Variants in ATP5MC2 observed in about 807,000 individuals in gnomAD.
ATP5MC2 encodes the protein ATP synthase F(0) complex subunit C2, mitochondrial.
In ATP5MC2, 11 loss-of-function variants were observed where a neutral mutation model predicts 13.5. The observed-to-expected ratio is 0.81, with a 90% CI of 0.51 to 1.35. ATP5MC2 has a LOEUF of 1.35. Ranked by LOEUF, ATP5MC2 falls within the 40% of genes most tolerant of loss-of-function variation. The pLI, the probability that ATP5MC2 is intolerant of heterozygous loss-of-function variation, is 0.00. For missense variants in ATP5MC2, 132 were observed against 175.0 expected (o/e 0.75, Z 1.39); for synonymous variants, 64 against 69.7 (o/e 0.92, Z 0.41).
Position 53,669,146 on chromosome 12 carries a change from A to T in ATP5MC2, c.311+2T>A. The T allele has an allele frequency of 6.2e-7, 1 of 1,604,424 alleles. No homozygotes were observed. ...ACCAGTGGAGGGTCCAACTTATCTT[A>T]CCTGGCATAACCAATGATGAGGCTC... On this transcript the variant is annotated splice_donor_variant, in intron 4 of 4. Transcript: ENST00000394349. LOFTEE classifies it high-confidence loss of function.
intron 4 of ATP5MC2, among the ~76,000 whole-genome samples, chr12:53,667,997 A>ATATATATATATATATATATTT (rs1944983859): frequency 7.9e-6 from 1 of 126,840 alleles, no homozygotes; most frequent in Non-Finnish European, 1.7e-5. Context: ...ATATATATAA[A>ATATATATATATATATATATTT]TTTTTTTTTT....
rs893417798 is a variant in ATP5MC2, at chr12:53,665,432, G to A, written c.312-4C>T. On this transcript the variant is annotated splice_region_variant and splice_polypyrimidine_tract_variant and intron_variant, in intron 4 of 4. Transcript: ENST00000394349. The stretch of plus-strand genomic sequence containing the variant: ...CTGTTGCTTCAGAGAAGGGTTCCTG[G>A]TAGAAGGAGAAGAGAAAAGACTGAA... 1.9e-6 allele frequency: 3 copies of A among 1,608,178 alleles called. No individual in the cohort carries two copies. Among genetic ancestry groups the A allele is most frequent in the Non-Finnish European group, 1.7e-6 (2 of 1,174,586 alleles).
upstream of ATP5MC2, chr12:53,676,373 C>T (rs1945279182): frequency 1.2e-6 from 1 of 831,462 alleles, no homozygotes; most frequent in Non-Finnish European, 1.8e-6. Context: ...CTTGCGTCCC[C>T]TTTCCGAGCA....
At chr12:53,667,731 G>A (rs1944959785) in intron 4 of ATP5MC2, among the ~76,000 whole-genome samples, 1 of 151,322 alleles carries the variant, frequency 6.6e-6, no homozygotes, top group African/African-American at 2.4e-5. Context: ...TCCTGACCTC[G>A]TGATCCGCCC....
intron 4 of ATP5MC2, among the ~76,000 whole-genome samples, chr12:53,667,987 AT>A (rs1565625341): frequency 3.3e-4 from 19 of 57,180 alleles, no homozygotes; most frequent in African/African-American, 1.5e-3. Context: ...ATATATATAT[AT>A]ATATATAAAT....
intron 4 of ATP5MC2, among the ~76,000 whole-genome samples, chr12:53,667,283 G>T (rs1944942071): frequency 6.6e-6 from 1 of 152,180 alleles, no homozygotes; most frequent in African/African-American, 2.4e-5. Flanking sequence ...TCAGAAACCA[G>T]GGGCTGGCTG....
intron 1 of ATP5MC2, 87 bp downstream of exon 1, chr12:53,675,966 A>G (rs1945252837): frequency 1.9e-6 from 3 of 1,544,550 alleles, no homozygotes; most frequent in Non-Finnish European, 2.6e-6. Flanking sequence ...GGAGCACGCA[A>G]GGTAAGCGCC....
intron 1 of ATP5MC2, 105 bp from the exon 2 acceptor site, chr12:53,672,750 ACTGAC>A: frequency 9.8e-7 from 1 of 1,015,804 alleles, no homozygotes; most frequent in Non-Finnish European, 1.5e-6. Context: ...GAAAACAGTG[ACTGAC>A]CTTAAGTCAT....
upstream of ATP5MC2, among the ~76,000 whole-genome samples, chr12:53,678,327 A>G (rs190189144): frequency 7.1e-4 from 108 of 151,954 alleles, 1 homozygote; most frequent in African/African-American, 2.5e-3. Flanking sequence ...TGCTAGCATT[A>G]AAATCATCAT....
chr12:53,667,954 CACATAT>C (rs1231198310), intron 4 of ATP5MC2, among the ~76,000 whole-genome samples: 4 of 26,966 alleles, frequency 1.5e-4, no homozygotes, highest in Admixed American at 5.7e-4. Context: ...TACATACACA[CACATAT>C]ATATATATAT....
chr12:53,667,933 T>TA lies in ATP5MC2; in HGVS notation c.311+1214dup, dbSNP rs1358786333. On this transcript the variant is annotated intron_variant, in intron 4 of 4. Transcript: ENST00000394349. ...CAATGACACAATGATATAAACATTC[T>TA]AATACATACATACATACACACACAT... Among the ~76,000 whole-genome samples, 38 of 126,816 alleles carry TA rather than the reference T, an allele frequency of 3.0e-4. No individual in the cohort carries two copies. In the Admixed American group the frequency reaches 3.0e-3, roughly 10 times the overall value. 83.2% of individuals were successfully genotyped at this position (126,816 alleles called of 152,430 possible). A position where few individuals can be genotyped will look rare whatever the true frequency, so the allele number is the denominator to read the frequency against.
chr12:53,665,286 A>G lies in ATP5MC2; in HGVS notation c.*28T>C, dbSNP rs762023719. The G allele has an allele frequency of 2.5e-6, 4 of 1,575,240 alleles. No individual in the cohort carries two copies. The African/African-American group carries it at 5.5e-5, about 22-fold the overall frequency. ...ACACACGGGGCCAACCAGACGCGGGAGAACTATGGGAGGTGGAGACGGCTC... is the reference window on the plus strand; with the variant it reads ...ACACACGGGGCCAACCAGACGCGGGGGAACTATGGGAGGTGGAGACGGCTC... On this transcript the variant is annotated 3_prime_UTR_variant, in exon 5 of 5. Transcript: ENST00000394349.
Position 53,669,356 on chromosome 12 carries a change from C to A in ATP5MC2, c.118-15G>T. ...CTGCTGAGGCTCTGTGAAAAAGAGG[C>A]AGGTAGAAGGTAAAGTTTTTTGCTT... is the stretch of plus-strand genomic sequence containing the variant. On this transcript the variant is annotated splice_polypyrimidine_tract_variant and intron_variant, in intron 3 of 4. Transcript: ENST00000394349. The A allele has an allele frequency of 6.2e-7, 1 of 1,605,624 alleles. No individual in the cohort carries two copies. The highest frequency in any genetic ancestry group is 8.5e-7 in the Non-Finnish European group (1 of 1,175,212).
At chr12:53,668,668 T>C (rs1229840865) in intron 4 of ATP5MC2, among the ~76,000 whole-genome samples, 1 of 152,160 alleles carries the variant, frequency 6.6e-6, no homozygotes, top group Non-Finnish European at 1.5e-5. Flanking sequence ...GCACTCGAAA[T>C]ATGGTTAGCG....
intron 1 of ATP5MC2, among the ~76,000 whole-genome samples, chr12:53,675,012 A>T (rs1026368483): frequency 2.0e-5 from 3 of 152,208 alleles, no homozygotes; most frequent in Non-Finnish European, 4.4e-5. Flanking sequence ...AAAGAGTTTA[A>T]TGTGGTGCTG....
At chr12:53,672,745 C>T in intron 1 of ATP5MC2, 100 bp from the exon 2 acceptor site, 1 of 1,059,410 alleles carries the variant, frequency 9.4e-7, no homozygotes. Flanking sequence ...GCCCAGAAAA[C>T]AGTGACTGAC....
chr12:53,669,410 T>G (rs1945028340), intron 3 of ATP5MC2, 69 bp from the exon 4 acceptor site: 1 of 1,491,668 alleles, frequency 6.7e-7, no homozygotes, highest in African/African-American at 1.4e-5. Flanking sequence ...TTAAAACCCT[T>G]TAAGCTGCCA....
intron 1 of ATP5MC2, 63 bp downstream of exon 1, chr12:53,675,990 G>T: frequency 1.3e-6 from 2 of 1,583,880 alleles, no homozygotes; most frequent in East Asian, 2.2e-5. Flanking sequence ...AAGCATCCGC[G>T]CAAGGTGAGG....
Position 53,672,643 on chromosome 12 carries a change from G to A in ATP5MC2, c.-29C>T. 6.4e-7 allele frequency: 1 copy of A among 1,574,188 alleles called. No homozygotes were observed. Among genetic ancestry groups the A allele is most frequent in the Non-Finnish European group, 8.6e-7 (1 of 1,159,224 alleles). On this transcript the variant is annotated splice_region_variant and 5_prime_UTR_variant, in exon 2 of 5. Coordinates refer to ENST00000394349, the MANE Select transcript of ATP5MC2 (RefSeq NM_005176.7). ...CAGGGGGTGAGGAGCTGTGGCAGGA[G>A]AGCTGGAATTACAGAAGCAGTATTG...
Sources: gnomAD v4.1 joint callset for allele counts (sites outside exome capture counted in the v4.1 genomes callset) on GRCh38, gnomAD v4.1.1 for gene constraint, MANE v1.5 for transcripts, NCBI Gene and HGNC (gene_info 2026-07-23, HGNC 2026-07-21) for gene names.